Variants in ACVR1C observed in about 807,000 individuals in gnomAD.
The protein encoded by ACVR1C is activin receptor type-1C.
A neutral mutation model predicts 57.9 loss-of-function variants in ACVR1C; 23 were observed. That is an observed-to-expected ratio of 0.40 (90% CI 0.29 to 0.56). The LOEUF (loss-of-function observed/expected upper bound fraction) is 0.56, where lower values mean the gene tolerates loss of function less well. ACVR1C is among the 20% of genes least tolerant of loss of function. The pLI is 0.50. For missense variants in ACVR1C, 480 were observed against 607.9 expected (o/e 0.79, Z 2.21); for synonymous variants, 214 against 215.3 (o/e 0.99, Z 0.05).
chr2:157,544,697 T>A, intron 4 of ACVR1C, 85 bp from the exon 5 acceptor site: 1 of 1,200,130 alleles, frequency 8.3e-7, no homozygotes, highest in Non-Finnish European at 1.2e-6. Flanking sequence ...GTTTAATCTG[T>A]ATTGTTAACA....
chr2:157,577,486 G>A (rs1443259998), intron 2 of ACVR1C, among the ~76,000 whole-genome samples: 4 of 152,060 alleles, frequency 2.6e-5, no homozygotes, highest in Non-Finnish European at 5.9e-5. Flanking sequence ...CTGGTAAACT[G>A]AAACTTGAGA....
At chr2:157,614,566 T>C (rs1682600478) in intron 1 of ACVR1C, among the ~76,000 whole-genome samples, 1 of 152,204 alleles carries the variant, frequency 6.6e-6, no homozygotes, top group Admixed American at 6.5e-5. Flanking sequence ...AAGTTTGGTT[T>C]ATTTATTCTA....
At chr2:157,560,419 T>C (rs1472924823) in intron 2 of ACVR1C, among the ~76,000 whole-genome samples, 3 of 152,204 alleles carry the variant, frequency 2.0e-5, no homozygotes, top group Admixed American at 2.0e-4. Flanking sequence ...TCCTGAGTGG[T>C]AAACGGGGCC....
chr2:157,559,407 G>A (rs114067516), intron 2 of ACVR1C, among the ~76,000 whole-genome samples: 1 of 151,938 alleles, frequency 6.6e-6, no homozygotes, highest in Non-Finnish European at 1.5e-5. Context: ...ATCCCTAGGG[G>A]GGATAAATGA....
At chr2:157,610,402 A>C (rs1682506400) in intron 1 of ACVR1C, among the ~76,000 whole-genome samples, 1 of 152,130 alleles carries the variant, frequency 6.6e-6, no homozygotes, top group Non-Finnish European at 1.5e-5. Flanking sequence ...TTCTGTTGAA[A>C]ATTCAGCCTT....
At chr2:157,550,450 A>C in intron 3 of ACVR1C, 58 bp from the exon 4 acceptor site, 11 of 1,466,860 alleles carry the variant, frequency 7.5e-6, no homozygotes, top group African/African-American at 1.4e-5. Context: ...AAGAACTCTC[A>C]ATAATCACTG....
chr2:157,555,641 T>C (rs1244022218), intron 3 of ACVR1C, among the ~76,000 whole-genome samples: 6 of 152,120 alleles, frequency 3.9e-5, no homozygotes, highest in Non-Finnish European at 7.4e-5. Flanking sequence ...AAAATCCTCA[T>C]ACCCACAAGC....
chr2:157,533,697 G>C lies in ACVR1C; in HGVS notation c.*221C>G. The C allele has an allele frequency of 3.4e-6, 1 of 290,540 alleles. No individual in the cohort carries two copies. The highest frequency in any genetic ancestry group is 6.2e-6 in the Non-Finnish European group (1 of 160,166). The allele number at this position is 290,540 out of a possible 1,614,324, so 18.0% of individuals were successfully genotyped here. Reference sequence around the variant, plus strand: ...AAATAAAAAGATGAGTTGAGGTGTTGCTTTCAAAATAAAATTAAACATAAC... The same window carrying C: ...AAATAAAAAGATGAGTTGAGGTGTTCCTTTCAAAATAAAATTAAACATAAC... On this transcript the variant is annotated 3_prime_UTR_variant, in exon 9 of 9. Coordinates refer to ENST00000243349, the MANE Select transcript of ACVR1C (RefSeq NM_145259.3).
chr2:157,625,991 G>A (rs930364030), intron 1 of ACVR1C, among the ~76,000 whole-genome samples: 2 of 152,004 alleles, frequency 1.3e-5, no homozygotes, highest in Non-Finnish European at 2.9e-5. Flanking sequence ...TTTTAGAGAC[G>A]GTGCCTCACT....
At chr2:157,534,152 T>C in intron 8 of ACVR1C, 109 bp from the exon 9 acceptor site, 1 of 1,073,694 alleles carries the variant, frequency 9.3e-7, no homozygotes, top group Non-Finnish European at 1.2e-6. Flanking sequence ...TTTTTTTTTT[T>C]TTTAAGAGAT....
rs1028575932 is a variant in ACVR1C, at chr2:157,539,570, T to C, written c.1226-867A>G. Among the ~76,000 whole-genome samples, 12 of 152,350 alleles carry C rather than the reference T, an allele frequency of 7.9e-5. No individual in the cohort carries two copies. In the South Asian group the frequency reaches 2.3e-3, roughly 29 times the overall value. ...AAAAGCAAATCTAGACTAATATCAA[T>C]ATGAAATTTTTACAAAAAATTATTA... On this transcript the variant is annotated intron_variant, in intron 7 of 8. Transcript: ENST00000243349.
intron 4 of ACVR1C, among the ~76,000 whole-genome samples, chr2:157,545,549 C>T (rs1687731637): frequency 6.6e-6 from 1 of 152,160 alleles, no homozygotes; most frequent in Admixed American, 6.5e-5. Flanking sequence ...GGCTATCTTG[C>T]CCTCTCACAT....
At chr2:157,536,905 T>A (rs1222845390) in intron 8 of ACVR1C, among the ~76,000 whole-genome samples, 2 of 152,160 alleles carry the variant, frequency 1.3e-5, no homozygotes, top group African/African-American at 4.8e-5. Flanking sequence ...ATTCCAAGAA[T>A]GTATATTTGG....
chr2:157,540,214 A>C (rs898235572), intron 7 of ACVR1C, among the ~76,000 whole-genome samples: 4 of 152,218 alleles, frequency 2.6e-5, no homozygotes. Context: ...TGCTAAACCA[A>C]CGCTTAGTCC....
chr2:157,613,734 A>C (rs938412605), intron 1 of ACVR1C, among the ~76,000 whole-genome samples: 1 of 152,174 alleles, frequency 6.6e-6, no homozygotes, highest in African/African-American at 2.4e-5. Flanking sequence ...ATAATGTATT[A>C]TCCTGTTGTT....
At chr2:157,580,280 T>G (rs893176583) in intron 2 of ACVR1C, among the ~76,000 whole-genome samples, 3 of 152,178 alleles carry the variant, frequency 2.0e-5, no homozygotes. Context: ...TTCTTCTCCT[T>G]TTATAGCAGC....
chr2:157,605,736 G>T (rs985680235), intron 1 of ACVR1C, among the ~76,000 whole-genome samples: 2 of 151,602 alleles, frequency 1.3e-5, no homozygotes, highest in African/African-American at 2.4e-5. Context: ...TACACGCATA[G>T]AATGTATAAT....
chr2:157,611,722 C>T (rs1221126656), intron 1 of ACVR1C, among the ~76,000 whole-genome samples: 2 of 152,126 alleles, frequency 1.3e-5, no homozygotes, highest in East Asian at 1.9e-4. Flanking sequence ...GTGTTGACAG[C>T]AAGCTGGGGG....
intron 1 of ACVR1C, chr2:157,597,261 C>T: frequency 3.6e-6 from 3 of 832,548 alleles, no homozygotes; most frequent in Non-Finnish European, 4.3e-6. Context: ...TTTGGTAACA[C>T]TCACTGCCCT....
Sources: gnomAD v4.1 joint callset for allele counts (sites outside exome capture counted in the v4.1 genomes callset) on GRCh38, gnomAD v4.1.1 for gene constraint, MANE v1.5 for transcripts, NCBI Gene and HGNC (gene_info 2026-07-23, HGNC 2026-07-21) for gene names.